ADAM23: variants seen among roughly 807,000 people sequenced by gnomAD.
ADAM23 encodes ADAM metallopeptidase domain 23, also known as disintegrin and metalloproteinase domain-containing protein 23.
ADAM23 carries 33 observed loss-of-function variants against 120.1 expected under a neutral mutation model. The ratio of observed to expected loss-of-function variants is 0.27; its 90% CI spans 0.21 to 0.37. The LOEUF is 0.37. Ranked by LOEUF, ADAM23 falls within the 10% of genes least tolerant of loss-of-function variation. ADAM23 has a pLI of 1.00. For missense variants in ADAM23, 862 were observed against 1,058.2 expected, an observed-to-expected ratio of 0.81 and a Z score of 2.57; for synonymous variants, 367 against 375.2, an observed-to-expected ratio of 0.98 and a Z score of 0.25.
rs1233337255 is a variant in ADAM23, at chr2:206,548,276, T to A, written c.794-5T>A. Reference sequence around the variant, plus strand: ...AATTTTGATACTAATTTTTCCTTTCTGCAGCTATGGAAAGAGGTGACCAGT... The same window carrying A: ...AATTTTGATACTAATTTTTCCTTTCAGCAGCTATGGAAAGAGGTGACCAGT... On this transcript the variant is annotated splice_region_variant and splice_polypyrimidine_tract_variant and intron_variant, in intron 7 of 25. Transcript: ENST00000264377. 6 of 1,612,078 alleles carry A rather than the reference T, an allele frequency of 3.7e-6. No homozygotes were observed. Among genetic ancestry groups the A allele is most frequent in the Non-Finnish European group, 5.1e-6 (6 of 1,179,718 alleles).
rs377619500 is a variant in ADAM23 at position 206,552,748 on chromosome 2, G to A, written c.933+2588G>A. ...CCAATCTCATCTCGGCGCAACCTGCGCCTCCGCAGCTCAAGTGATCCTCCC... is the reference window on the plus strand; with the variant it reads ...CCAATCTCATCTCGGCGCAACCTGCACCTCCGCAGCTCAAGTGATCCTCCC... On this transcript the variant is annotated intron_variant, in intron 9 of 25. Coordinates refer to ENST00000264377, the MANE Select transcript of ADAM23 (RefSeq NM_003812.4). Among the ~76,000 whole-genome samples, 30 of 152,120 alleles carry A rather than the reference G, an allele frequency of 2.0e-4. No homozygotes were observed. In the South Asian group the frequency reaches 6.0e-3, roughly 30 times the overall value.
Position 206,591,681 on chromosome 2 carries a change from C to T in ADAM23, c.1959-936C>T, listed in dbSNP as rs75731448. On this transcript the variant is annotated intron_variant, in intron 21 of 25. Transcript: ENST00000264377. ...GGCCTGTACATAAGTAGAAAATTTGCTAAGTCATAGGGGATCTTATCATTG... is the reference window on the plus strand; with the variant it reads ...GGCCTGTACATAAGTAGAAAATTTGTTAAGTCATAGGGGATCTTATCATTG... 1.9e-3 allele frequency among the ~76,000 whole-genome samples: 295 copies of T among 152,202 alleles called. 10 individuals carry two copies. The East Asian group carries it at 0.051, about 26-fold the overall frequency.
At chr2:206,571,876 G>A (rs1269572170) in intron 17 of ADAM23, 60 bp downstream of exon 17, 3 of 1,434,320 alleles carry the variant, frequency 2.1e-6, no homozygotes, top group African/African-American at 1.4e-5. Flanking sequence ...ATATCTCAGT[G>A]TGTACACTGA....
At chr2:206,603,317 G>A (rs997852888) in intron 24 of ADAM23, among the ~76,000 whole-genome samples, 4 of 152,186 alleles carry the variant, frequency 2.6e-5, no homozygotes, top group Non-Finnish European at 5.9e-5. Flanking sequence ...TCAAGGTGAT[G>A]CACAAGTTCC....
chr2:206,510,287 T>C (rs1186567310), intron 3 of ADAM23, among the ~76,000 whole-genome samples: 2 of 152,224 alleles, frequency 1.3e-5, no homozygotes, highest in African/African-American at 4.8e-5. Flanking sequence ...ACAAATACTG[T>C]ATTTCTTTAT....
chr2:206,452,326 A>G (rs1480351889), intron 2 of ADAM23, among the ~76,000 whole-genome samples: 3 of 152,212 alleles, frequency 2.0e-5, no homozygotes, highest in African/African-American at 7.2e-5. Flanking sequence ...TGTGCTTTCC[A>G]GCAGCCTACA....
chr2:206,564,589 A>C (rs1697841222), intron 13 of ADAM23, among the ~76,000 whole-genome samples: 1 of 152,168 alleles, frequency 6.6e-6, no homozygotes, highest in South Asian at 2.1e-4. Flanking sequence ...GATAGACAAA[A>C]AGGTGTTATT....
At chr2:206,601,025 C>T (rs1386977857) in intron 24 of ADAM23, among the ~76,000 whole-genome samples, 3 of 152,160 alleles carry the variant, frequency 2.0e-5, no homozygotes, top group Non-Finnish European at 2.9e-5. Context: ...CTTTGTTCTA[C>T]AAGGACAGAA....
At chr2:206,461,523 G>T (rs1469543333) in intron 2 of ADAM23, among the ~76,000 whole-genome samples, 5 of 152,150 alleles carry the variant, frequency 3.3e-5, no homozygotes, top group Non-Finnish European at 7.4e-5. Flanking sequence ...TTAAAAATAA[G>T]GAGGTTGGGT....
At position 206,508,516 on chromosome 2, in the gene ADAM23, C is replaced by T. The variant is rs557879606; in HGVS notation, c.510-22369C>T. Among the ~76,000 whole-genome samples, 501 of 151,870 alleles carry T rather than the reference C, an allele frequency of 3.3e-3. 6 individuals carry two copies. The highest frequency in any genetic ancestry group is 0.011 in the African/African-American group (474 of 41,476). ...ACTAACAATACAAAAATTAGCCGGG[C>T]GTGGTGGCTCACACCTGTAGTCGCA... is the stretch of plus-strand genomic sequence containing the variant. On this transcript the variant is annotated intron_variant, in intron 3 of 25. Coordinates refer to ENST00000264377, the MANE Select transcript of ADAM23 (RefSeq NM_003812.4).
At chr2:206,553,778 A>C (rs908278813) in intron 9 of ADAM23, among the ~76,000 whole-genome samples, 1 of 152,192 alleles carries the variant, frequency 6.6e-6, no homozygotes, top group East Asian at 1.9e-4. Context: ...AGAATAATTA[A>C]TACATTTATT....
At chr2:206,527,229 G>A (rs1047385838) in intron 3 of ADAM23, among the ~76,000 whole-genome samples, 1 of 152,182 alleles carries the variant, frequency 6.6e-6, no homozygotes, top group African/African-American at 2.4e-5. Flanking sequence ...GTTTATATTT[G>A]GGTCCGCAAT....
chr2:206,562,968 T>C (rs954447406), intron 13 of ADAM23, among the ~76,000 whole-genome samples: 4 of 152,194 alleles, frequency 2.6e-5, no homozygotes, highest in Non-Finnish European at 5.9e-5. Flanking sequence ...GCTGATTTTC[T>C]AGTGGGCAAA....
chr2:206,530,365 T>G (rs2105797635), intron 3 of ADAM23, among the ~76,000 whole-genome samples: 1 of 152,322 alleles, frequency 6.6e-6, no homozygotes, highest in South Asian at 2.1e-4. Context: ...CTTGCTGACC[T>G]TTGCTTTATA....
intron 25 of ADAM23, among the ~76,000 whole-genome samples, chr2:206,612,781 T>C (rs1698850230): frequency 6.6e-6 from 1 of 152,204 alleles, no homozygotes; most frequent in Non-Finnish European, 1.5e-5. Flanking sequence ...GTAAAAAGCA[T>C]GAAAATGTGT....
At chr2:206,580,864 A>G (rs1698207506) in intron 18 of ADAM23, among the ~76,000 whole-genome samples, 1 of 152,024 alleles carries the variant, frequency 6.6e-6, no homozygotes, top group African/African-American at 2.4e-5. Flanking sequence ...TTGGCTGGTA[A>G]TTTTTAAATT....
At chr2:206,523,304 ACC>A (rs5838027) in intron 3 of ADAM23, among the ~76,000 whole-genome samples, 1 of 152,024 alleles carries the variant, frequency 6.6e-6, no homozygotes, top group Non-Finnish European at 1.5e-5. Context: ...TTCTCTTGTT[ACC>A]CCCAAAGAAA....
At chr2:206,548,619 C>T (rs1329374847) in intron 8 of ADAM23, among the ~76,000 whole-genome samples, 1 of 152,144 alleles carries the variant, frequency 6.6e-6, no homozygotes, top group East Asian at 1.9e-4. Context: ...GCTCTGTTTT[C>T]TACGTGTTTT....
At chr2:206,465,812 C>T (rs1374304072) in intron 2 of ADAM23, among the ~76,000 whole-genome samples, 3 of 152,012 alleles carry the variant, frequency 2.0e-5, no homozygotes, top group Non-Finnish European at 4.4e-5. Flanking sequence ...AGTAGCAGCT[C>T]GGAGAACAGA....
Sources: allele counts gnomAD v4.1 joint callset (sites outside exome capture counted in the v4.1 genomes callset), GRCh38; gene constraint gnomAD v4.1.1; transcripts MANE v1.5; gene names NCBI Gene and HGNC (gene_info 2026-07-23, HGNC 2026-07-21).